Variants in NXN observed in about 807,000 individuals in gnomAD.
NXN encodes the protein nucleoredoxin 1.
In NXN, 16 loss-of-function variants were observed where a neutral mutation model predicts 48.6. The ratio of observed to expected loss-of-function variants is 0.33; its 90% CI spans 0.22 to 0.50. The LOEUF is 0.50. Among genes scored for constraint, NXN ranks in the 20% least tolerant of loss-of-function variants. The pLI, the probability that NXN is intolerant of heterozygous loss-of-function variation, is 0.98. For missense variants in NXN, 492 were observed against 605.5 expected (o/e 0.81, Z 1.97); for synonymous variants, 281 against 269.6 (o/e 1.04, Z -0.41).
intron 1 of NXN, among the ~76,000 whole-genome samples, chr17:927,369 G>A (rs1597248501): frequency 1.3e-5 from 2 of 152,134 alleles, no homozygotes; most frequent in South Asian, 2.1e-4. Context: ...AGCACTTTGG[G>A]AGGCCAGGGC....
Position 895,833 on chromosome 17 carries a change from A to AAAG in NXN, c.361-69756_361-69755insCTT, listed in dbSNP as rs545564433. ...CAAAAACAAACAAACAAACAAAAAA[A>AAAG]CTAATTTTTCCCAACATCATTAATT... On this transcript the variant is annotated intron_variant, in intron 1 of 7. Transcript: ENST00000336868. Among the ~76,000 whole-genome samples, 510 of 151,418 alleles carry AAAG rather than the reference A, an allele frequency of 3.4e-3. 7 individuals are homozygous for AAAG. The highest frequency in any genetic ancestry group is 0.012 in the African/African-American group (481 of 41,122).
chr17:907,613 T>C (rs754911352), intron 1 of NXN: 4 of 84,534 alleles, frequency 4.7e-5, no homozygotes, highest in Non-Finnish European at 5.4e-5. Flanking sequence ...GTCCTGACAT[T>C]ATAGGCGTGA....
In NXN at chr17:956,906, A is replaced by G. The variant is rs2069176962; in HGVS notation, c.360+22413T>C. 6.6e-6 allele frequency among the ~76,000 whole-genome samples: 1 copy of G among 152,210 alleles called. No homozygotes were observed. Among genetic ancestry groups the G allele is most frequent in the Admixed American group, 6.5e-5 (1 of 15,268 alleles). On this transcript the variant is annotated intron_variant, in intron 1 of 7. Transcript: ENST00000336868. The surrounding 1 kb of genome is among the most constrained non-coding windows in gnomAD (Gnocchi z 4.1). ...GAGAGGCTGGCCCCTCCGTTCTCAG[A>G]GCTCCTGCGGGCAACTCCAGCCCTT...
intron 1 of NXN, among the ~76,000 whole-genome samples, chr17:938,377 G>A (rs1020297352): frequency 6.6e-6 from 1 of 152,234 alleles, no homozygotes; most frequent in African/African-American, 2.4e-5. Flanking sequence ...CGAAGGCCGA[G>A]CCAAAGAAAA....
chr17:930,835 G>A (rs573251908), intron 1 of NXN, among the ~76,000 whole-genome samples: 42 of 150,822 alleles, frequency 2.8e-4, no homozygotes, highest in African/African-American at 7.6e-4. Context: ...GCAGTGGTGC[G>A]ATCTCGGCTC....
At chr17:903,362 T>C (rs555037508) in intron 1 of NXN, among the ~76,000 whole-genome samples, 39 of 147,896 alleles carry the variant, frequency 2.6e-4, no homozygotes, top group South Asian at 1.1e-3. Context: ...CCCGCCACCA[T>C]GCCCAGTCTC....
chr17:862,917 G>C (rs2068055542), intron 1 of NXN, among the ~76,000 whole-genome samples: 1 of 152,140 alleles, frequency 6.6e-6, no homozygotes, highest in Admixed American at 6.5e-5. Context: ...CATTTCTTGG[G>C]TATGATAACG....
intron 1 of NXN, among the ~76,000 whole-genome samples, chr17:974,885 G>A (rs2069440133): frequency 6.6e-6 from 1 of 151,526 alleles, no homozygotes; most frequent in Non-Finnish European, 1.5e-5. Context: ...GGAGTGTAGT[G>A]ACACAAACAT....
chr17:970,543 C>G (rs1396253733), intron 1 of NXN, among the ~76,000 whole-genome samples: 1 of 152,196 alleles, frequency 6.6e-6, no homozygotes, highest in South Asian at 2.1e-4. Flanking sequence ...ATGTTTCAAG[C>G]CGTTCAACTA....
intron 1 of NXN, among the ~76,000 whole-genome samples, chr17:948,527 G>A (rs1027004917): frequency 6.6e-6 from 1 of 152,060 alleles, no homozygotes; most frequent in Non-Finnish European, 1.5e-5. Context: ...CTGTGGAACT[G>A]TACAGGGCCC....
At chr17:811,820 C>T (rs377292258) in intron 5 of NXN, among the ~76,000 whole-genome samples, 6 of 151,808 alleles carry the variant, frequency 4.0e-5, no homozygotes, top group South Asian at 4.2e-4. Context: ...GACACCTCAA[C>T]GCACTGGCAG....
chr17:809,398 A>C (rs1247898034), intron 5 of NXN, among the ~76,000 whole-genome samples: 1 of 152,162 alleles, frequency 6.6e-6, no homozygotes, highest in East Asian at 1.9e-4. Context: ...AAACCATCTC[A>C]AAGCCAGGTG....
chr17:903,213 G>C (rs2068552923), intron 1 of NXN, among the ~76,000 whole-genome samples: 1 of 151,576 alleles, frequency 6.6e-6, no homozygotes, highest in African/African-American at 2.4e-5. Context: ...TTGTTTTTTT[G>C]TTTTTGTTTT....
chr17:859,008 C>T (rs1443406988), intron 1 of NXN, among the ~76,000 whole-genome samples: 1 of 152,198 alleles, frequency 6.6e-6, no homozygotes, highest in Non-Finnish European at 1.5e-5. Flanking sequence ...ATCCCATCCA[C>T]CAAGGAGGAA....
chr17:838,871 C>A (rs1477024315), intron 1 of NXN, among the ~76,000 whole-genome samples: 1 of 152,218 alleles, frequency 6.6e-6, no homozygotes, highest in Non-Finnish European at 1.5e-5. Flanking sequence ...GAGTTTGGTC[C>A]TCACTGGTCA....
chr17:938,645 C>T (rs544388101), intron 1 of NXN, among the ~76,000 whole-genome samples: 3 of 152,220 alleles, frequency 2.0e-5, no homozygotes, highest in Non-Finnish European at 4.4e-5. Context: ...GATTGCGCCA[C>T]TGCACTCCAG....
At chr17:953,185 C>T (rs549601541) in intron 1 of NXN, among the ~76,000 whole-genome samples, 6 of 152,166 alleles carry the variant, frequency 3.9e-5, no homozygotes, top group South Asian at 2.1e-4. Flanking sequence ...GAGGCCGAGG[C>T]GGGCGGATCA....
intron 1 of NXN, among the ~76,000 whole-genome samples, chr17:923,586 T>C (rs76539494): frequency 6.6e-6 from 1 of 152,196 alleles, no homozygotes. Context: ...AATTGGAAAA[T>C]GTAATGTTCA....
rs1303524083 is a variant in NXN, at chr17:956,454, C to G, written c.360+22865G>C. Reference sequence around the variant, plus strand: ...TTGAGACAGAGATTCTCTCTTGTCACCCAGGCTGGAGTGCAACGGCACAAC... The same window carrying G: ...TTGAGACAGAGATTCTCTCTTGTCAGCCAGGCTGGAGTGCAACGGCACAAC... On this transcript the variant is annotated intron_variant, in intron 1 of 7. Transcript: ENST00000336868. This position sits in a 1 kb window ranked among gnomAD's most constrained non-coding sequence, Gnocchi z 4.1. Among the ~76,000 whole-genome samples the G allele has an allele frequency of 1.3e-5, 2 of 152,124 alleles. No homozygotes were observed. Among genetic ancestry groups the G allele is most frequent in the African/African-American group, 2.4e-5 (1 of 41,406 alleles).
Sources: allele counts gnomAD v4.1 joint callset (sites outside exome capture counted in the v4.1 genomes callset), GRCh38; gene constraint gnomAD v4.1.1; non-coding constraint Gnocchi (gnomAD v3.1); transcripts MANE v1.5; gene names NCBI Gene and HGNC (gene_info 2026-07-23, HGNC 2026-07-21).